Variants in FARS2 observed in about 807,000 individuals in gnomAD.
FARS2 encodes the protein phenylalanyl-tRNA synthetase 2, mitochondrial, also known as phenylalanine--tRNA ligase, mitochondrial.
FARS2 carries 40 observed loss-of-function variants against 46.4 expected under a neutral mutation model. The ratio of observed to expected loss-of-function variants is 0.86; its 90% CI spans 0.67 to 1.12. The LOEUF (loss-of-function observed/expected upper bound fraction) is 1.12. Among genes scored for constraint, FARS2 ranks in the 50% most tolerant of loss-of-function variants. The probability of loss-of-function intolerance (pLI) is 0.00; values close to 1 mark genes in which losing one functional copy is unlikely to be tolerated. For synonymous variants in FARS2, 234 were observed against 214.9 expected (o/e 1.09, Z -0.78); for missense variants, 513 against 567.9 (o/e 0.90, Z 0.98).
intron 2 of FARS2, among the ~76,000 whole-genome samples, chr6:5,395,565 C>T (rs36070583): frequency 3.9e-5 from 6 of 152,170 alleles, no homozygotes; most frequent in Admixed American, 2.6e-4. Context: ...TCATTTTTCT[C>T]TGTACCATTA....
At chr6:5,262,952 G>A (rs1032458070) in intron 1 of FARS2, among the ~76,000 whole-genome samples, 2 of 152,182 alleles carry the variant, frequency 1.3e-5, no homozygotes, top group Non-Finnish European at 2.9e-5. Context: ...TTGTTATAGA[G>A]TAAGATTCAG....
At chr6:5,307,588 T>C (rs1417423614) in intron 1 of FARS2, among the ~76,000 whole-genome samples, 1 of 152,236 alleles carries the variant, frequency 6.6e-6, no homozygotes, top group Non-Finnish European at 1.5e-5. Context: ...AAACTAACCA[T>C]ATACTACACG....
intron 6 of FARS2, among the ~76,000 whole-genome samples, chr6:5,678,816 T>C (rs1430241077): frequency 1.3e-5 from 2 of 152,226 alleles, no homozygotes; most frequent in Admixed American, 6.5e-5. Flanking sequence ...ATTCATTTTC[T>C]ATTTTAAGCC....
chr6:5,538,764 G>A (rs1770380453), intron 4 of FARS2, among the ~76,000 whole-genome samples: 1 of 152,076 alleles, frequency 6.6e-6, no homozygotes, highest in Non-Finnish European at 1.5e-5. Context: ...AAATCGAAAG[G>A]GAACCAAAAC....
intron 5 of FARS2, among the ~76,000 whole-genome samples, chr6:5,555,109 C>T (rs1052733864): frequency 3.9e-5 from 6 of 152,068 alleles, no homozygotes; most frequent in African/African-American, 1.2e-4. Flanking sequence ...ATACTGTTCT[C>T]GTGATAGTGA....
intron 4 of FARS2, among the ~76,000 whole-genome samples, chr6:5,443,153 A>G (rs1466332067): frequency 2.6e-5 from 4 of 152,218 alleles, no homozygotes; most frequent in African/African-American, 9.6e-5. Context: ...TTAAACTGTT[A>G]TCCTTTTTCC....
intron 6 of FARS2, among the ~76,000 whole-genome samples, chr6:5,753,170 AG>A (rs1762040894): frequency 1.3e-5 from 2 of 152,196 alleles, no homozygotes; most frequent in African/African-American, 4.8e-5. Context: ...GGGAGGAGAG[AG>A]AGAGCAAGAA....
At chr6:5,540,016 C>G (rs1054338554) in intron 4 of FARS2, among the ~76,000 whole-genome samples, 3 of 152,174 alleles carry the variant, frequency 2.0e-5, no homozygotes, top group South Asian at 2.1e-4. Flanking sequence ...CTGCCATCAT[C>G]ATGGCAACCA....
chr6:5,517,695 G>A (rs1267723375), intron 4 of FARS2, among the ~76,000 whole-genome samples: 1 of 151,916 alleles, frequency 6.6e-6, no homozygotes, highest in African/African-American at 2.4e-5. Context: ...AAAAAGGAAT[G>A]TAAAATATCT....
intron 6 of FARS2, among the ~76,000 whole-genome samples, chr6:5,736,137 T>C (rs1355106099): frequency 6.6e-6 from 1 of 152,204 alleles, no homozygotes; most frequent in Non-Finnish European, 1.5e-5. Flanking sequence ...GTCAGTCGGC[T>C]GTGCCAGGAA....
chr6:5,297,186 CA>C (rs1025980813), intron 1 of FARS2, among the ~76,000 whole-genome samples: 2 of 152,118 alleles, frequency 1.3e-5, no homozygotes, highest in African/African-American at 2.4e-5. Context: ...AATTTGACTC[CA>C]GAAGCTTACC....
chr6:5,471,329 G>A lies in FARS2; in HGVS notation c.904+40157G>A, dbSNP rs550582727. 6.6e-5 allele frequency among the ~76,000 whole-genome samples: 10 copies of A among 152,086 alleles called. No homozygotes were observed. Among genetic ancestry groups the A allele is most frequent in the Non-Finnish European group, 1.2e-4 (8 of 68,028 alleles). On this transcript the variant is annotated intron_variant, in intron 4 of 6. Transcript: ENST00000274680. This position sits in a 1 kb window ranked among gnomAD's most constrained non-coding sequence, Gnocchi z 4.1. ...ATCTTGGGGAAACTGGGTATAAGAGGGAATTTCCTGAGACTCCATAGCAAG... is the reference window on the plus strand; with the variant it reads ...ATCTTGGGGAAACTGGGTATAAGAGAGAATTTCCTGAGACTCCATAGCAAG...
chr6:5,752,419 C>T (rs1299756228), intron 6 of FARS2, among the ~76,000 whole-genome samples: 1 of 152,170 alleles, frequency 6.6e-6, no homozygotes. Flanking sequence ...CAGCACAGAG[C>T]AACTTGATCT....
At chr6:5,568,885 G>C (rs139363726) in intron 5 of FARS2, among the ~76,000 whole-genome samples, 28 of 152,300 alleles carry the variant, frequency 1.8e-4, no homozygotes, top group African/African-American at 6.5e-4. Flanking sequence ...TAGTAACAGA[G>C]AGACTAGAAG....
At chr6:5,250,812 A>G in the FARS2 span, among the ~76,000 whole-genome samples, 2 of 152,378 alleles carry the variant, frequency 1.3e-5, no homozygotes, top group African/African-American at 4.8e-5. Context: ...ATGTTCTTAC[A>G]TATGGTATAA....
chr6:5,393,212 A>C (rs1242181536), intron 2 of FARS2, among the ~76,000 whole-genome samples: 1 of 151,926 alleles, frequency 6.6e-6, no homozygotes, highest in Non-Finnish European at 1.5e-5. Context: ...GCACAGGTAG[A>C]CTCTCAGGAT....
chr6:5,296,194 T>C (rs1027297066), intron 1 of FARS2, among the ~76,000 whole-genome samples: 46 of 121,182 alleles, frequency 3.8e-4, no homozygotes, highest in African/African-American at 1.4e-3. Context: ...TGGGCTGGAG[T>C]GCAGTGGTGG....
chr6:5,750,459 G>A (rs1218885593), intron 6 of FARS2, among the ~76,000 whole-genome samples: 2 of 152,196 alleles, frequency 1.3e-5, no homozygotes, highest in African/African-American at 2.4e-5. Flanking sequence ...AGGAAGCTTG[G>A]TTGAGAAGGA....
chr6:5,519,828 C>T (rs542249650), intron 4 of FARS2, among the ~76,000 whole-genome samples: 48 of 152,238 alleles, frequency 3.2e-4, no homozygotes, highest in African/African-American at 9.4e-4. Flanking sequence ...GGATGGCTTG[C>T]GGTGTGATCT....
Sources: allele counts gnomAD v4.1 joint callset (sites outside exome capture counted in the v4.1 genomes callset), GRCh38; gene constraint gnomAD v4.1.1; non-coding constraint Gnocchi (gnomAD v3.1); transcripts MANE v1.5; gene names NCBI Gene and HGNC (gene_info 2026-07-23, HGNC 2026-07-21).